Variants in TAB2 observed in about 807,000 individuals in gnomAD.
TAB2 encodes the protein TGF-beta-activated kinase 1 and MAP3K7-binding protein 2.
A neutral mutation model predicts 65.0 loss-of-function variants in TAB2; 3 were observed. The observed-to-expected ratio is 0.05, with a 90% CI of 0.02 to 0.12. The LOEUF (loss-of-function observed/expected upper bound fraction) is 0.12. Ranked by LOEUF, TAB2 falls within the 10% of genes least tolerant of loss-of-function variation. TAB2 has a pLI of 1.00. For missense variants in TAB2, 623 were observed against 840.3 expected (o/e 0.74, Z 3.20); for synonymous variants, 298 against 285.1 (o/e 1.05, Z -0.46).
At chr6:149,272,467 C>A (rs1006431809) in intron 1 of TAB2, among the ~76,000 whole-genome samples, 1 of 152,192 alleles carries the variant, frequency 6.6e-6, no homozygotes, top group Admixed American at 6.5e-5. Context: ...CTAGAGGCTG[C>A]CTGTATTCCT....
At chr6:149,395,076 T>A (rs1293244627) in intron 3 of TAB2, among the ~76,000 whole-genome samples, 1 of 152,222 alleles carries the variant, frequency 6.6e-6, no homozygotes, top group Non-Finnish European at 1.5e-5. Flanking sequence ...CTTGCCCTAC[T>A]CCCTGGCCCC....
chr6:149,233,697 G>C (rs1258527998), intron 1 of TAB2, among the ~76,000 whole-genome samples: 1 of 152,140 alleles, frequency 6.6e-6, no homozygotes, highest in Non-Finnish European at 1.5e-5. Flanking sequence ...CAATATACTT[G>C]TTTATTAGAT....
rs374730719 is a variant in TAB2, at chr6:149,394,370, A to G, written c.1604-3234A>G. Reference sequence around the variant, plus strand: ...AACTAGATCCTTTAACATATTAATCATAGTTACATCTTTAAGTTTTCTGTC... The same window carrying G: ...AACTAGATCCTTTAACATATTAATCGTAGTTACATCTTTAAGTTTTCTGTC... On this transcript the variant is annotated intron_variant, in intron 3 of 6. Coordinates refer to ENST00000637181, the MANE Select transcript of TAB2 (RefSeq NM_001292034.3). 3.9e-5 allele frequency among the ~76,000 whole-genome samples: 6 copies of G among 152,166 alleles called. No homozygotes were observed. The South Asian group carries it at 1.2e-3, about 32-fold the overall frequency.
chr6:149,373,368 A>G (rs1224101581), intron 2 of TAB2, among the ~76,000 whole-genome samples: 2 of 152,214 alleles, frequency 1.3e-5, no homozygotes, highest in South Asian at 4.1e-4. Context: ...TATATGCAAC[A>G]CTTAATATTT....
chr6:149,396,276 C>T (rs1782167463), intron 3 of TAB2, among the ~76,000 whole-genome samples: 2 of 152,182 alleles, frequency 1.3e-5, no homozygotes, highest in African/African-American at 2.4e-5. Flanking sequence ...TCTCGGCCTC[C>T]CCAAAGTGCT....
rs567348780 is a variant in TAB2, at chr6:149,227,610, C to T, written c.-121+8834C>T. On this transcript the variant is annotated intron_variant, in intron 1 of 1. Transcript: ENST00000606202. Reference sequence around the variant, plus strand: ...ACTCGGGGGTGAGGCCGGCTTGCCACTTGCCCACCCTTTCCATAAAACTGC... The same window carrying T: ...ACTCGGGGGTGAGGCCGGCTTGCCATTTGCCCACCCTTTCCATAAAACTGC... 5.3e-5 allele frequency among the ~76,000 whole-genome samples: 8 copies of T among 152,320 alleles called. No individual in the cohort carries two copies. The South Asian group carries it at 1.2e-3, about 24-fold the overall frequency.
At chr6:149,269,399 A>G (rs921324812) in intron 1 of TAB2, among the ~76,000 whole-genome samples, 1 of 152,176 alleles carries the variant, frequency 6.6e-6, no homozygotes, top group African/African-American at 2.4e-5. Flanking sequence ...TTAAAAATTC[A>G]CTATATTATT....
rs1417795495 is a variant in TAB2, at chr6:149,379,235, T to A, written c.1320T>A (p.Ser440Arg). 3 of 1,614,026 alleles carry A rather than the reference T, an allele frequency of 1.9e-6. No individual in the cohort carries two copies. In the African/African-American group the frequency reaches 4.0e-5, roughly 22 times the overall value. ...TTATTCATCACCATCCTCCCAAAAG[T>A]CGAGCAATAGGCAATAACTCTGCAA... ...PAFIHHHPPK[S>R]RAIGNNSATS... Residue 440 changes from serine (S) to arginine (R), a missense_variant, in exon 3 of 7, where the codon AGT becomes AGA. Ser to Arg is a moderately radical substitution (Grantham distance 110, BLOSUM62 -1). Around this residue, in one of 3 missense-constraint regions of TAB2, gnomAD observed 550 missense variants for 665.7 expected, o/e 0.83. Coordinates refer to ENST00000637181, the MANE Select transcript of TAB2 (RefSeq NM_001292034.3).
At chr6:149,401,615 AC>A (rs980973341) in intron 6 of TAB2, among the ~76,000 whole-genome samples, 3 of 152,110 alleles carry the variant, frequency 2.0e-5, no homozygotes, top group African/African-American at 4.8e-5. Context: ...AGACTTCAAT[AC>A]CCCCCTTACA....
chr6:149,291,898 T>G (rs1778785361), intron 1 of TAB2, among the ~76,000 whole-genome samples: 1 of 152,050 alleles, frequency 6.6e-6, no homozygotes, highest in Non-Finnish European at 1.5e-5. Context: ...ACTATATACA[T>G]TATTTTAGAT....
intron 1 of TAB2, among the ~76,000 whole-genome samples, chr6:149,352,889 AAC>A (rs1780536341): frequency 6.6e-6 from 1 of 152,222 alleles, no homozygotes; most frequent in Non-Finnish European, 1.5e-5. Flanking sequence ...TGATTTAGGA[AAC>A]ACACCCTTTT....
chr6:149,294,171 G>C (rs1246981931), intron 1 of TAB2, among the ~76,000 whole-genome samples: 1 of 152,188 alleles, frequency 6.6e-6, no homozygotes, highest in African/African-American at 2.4e-5. Flanking sequence ...TTAAACAACA[G>C]AAATGTATTT....
intron 3 of TAB2, among the ~76,000 whole-genome samples, chr6:149,394,729 CT>C (rs1782111326): frequency 6.6e-6 from 1 of 152,154 alleles, no homozygotes; most frequent in Admixed American, 6.5e-5. Flanking sequence ...AGAGTAGTGC[CT>C]GAAGTGCAAG....
chr6:149,327,655 A>G (rs935271193), intron 1 of TAB2, among the ~76,000 whole-genome samples: 3 of 152,190 alleles, frequency 2.0e-5, no homozygotes, highest in African/African-American at 4.8e-5. Flanking sequence ...AGAAATACAG[A>G]TATTTTATAA....
At chr6:149,325,964 G>A (rs558044) in intron 1 of TAB2, among the ~76,000 whole-genome samples, 132,525 of 152,116 alleles carry the variant, frequency 0.87, 57,800 homozygotes, top group Middle Eastern at 0.97. Flanking sequence ...GTCTTGAGCA[G>A]CTAGGTTCAA....
intron 1 of TAB2, among the ~76,000 whole-genome samples, chr6:149,295,728 T>C (rs1192822147): frequency 2.0e-5 from 3 of 152,174 alleles, no homozygotes; most frequent in Non-Finnish European, 2.9e-5. Context: ...AAATGTGTCA[T>C]ATTTACTCTT....
intron 1 of TAB2, chr6:149,257,356 A>G (rs1325682196): frequency 6.6e-6 from 1 of 152,174 alleles, no homozygotes; most frequent in African/African-American, 2.4e-5. Flanking sequence ...TTCTCTGGGA[A>G]CCTGGGAACA....
At chr6:149,265,716 T>C (rs1230988245) in intron 1 of TAB2, among the ~76,000 whole-genome samples, 1 of 152,188 alleles carries the variant, frequency 6.6e-6, no homozygotes, top group Admixed American at 6.5e-5. Flanking sequence ...AGACTGGGGT[T>C]CAACGCCAAC....
At position 149,223,763 on chromosome 6, in the gene TAB2, T is replaced by C. The variant is rs547415093; in HGVS notation, c.-121+4987T>C. On this transcript the variant is annotated intron_variant, in intron 1 of 1. Transcript: ENST00000606202. ...GCTTTCAATGACTGCTTGCATTTTCTGGACATGTAATTCCATTTTTTATAT... is the reference window on the plus strand; with the variant it reads ...GCTTTCAATGACTGCTTGCATTTTCCGGACATGTAATTCCATTTTTTATAT... 2.1e-3 allele frequency among the ~76,000 whole-genome samples: 326 copies of C among 152,336 alleles called. 1 individual carries two copies. The highest frequency in any genetic ancestry group is 3.6e-3 in the Non-Finnish European group (248 of 68,026).
Sources: gnomAD v4.1 joint callset for allele counts (sites outside exome capture counted in the v4.1 genomes callset) on GRCh38, gnomAD v4.1.1 for gene constraint, gnomAD v4.1.1 regional missense constraint, MANE v1.5 for transcripts, NCBI Gene and HGNC (gene_info 2026-07-23, HGNC 2026-07-21) for gene names.